BRWD1: variants seen among roughly 807,000 people sequenced by gnomAD.
BRWD1 encodes bromodomain and WD repeat-containing protein 1.
Under a neutral mutation model 251.2 loss-of-function variants are expected in BRWD1, and 82 were observed. The observed-to-expected ratio is 0.33, with a 90% CI of 0.27 to 0.39. The LOEUF is 0.39. Ranked by LOEUF, BRWD1 falls within the 10% of genes least tolerant of loss-of-function variation. The probability of loss-of-function intolerance (pLI) is 1.00; values close to 1 mark genes in which losing one functional copy is unlikely to be tolerated. For synonymous variants in BRWD1, 918 were observed against 902.8 expected, an observed-to-expected ratio of 1.02 and a Z score of -0.30; for missense variants, 2,233 against 2,711.6, an observed-to-expected ratio of 0.82 and a Z score of 3.92.
chr21:39,313,329 C>T lies in BRWD1; in HGVS notation c.50-30G>A, dbSNP rs768417935. ...GGGAAGACAAGGAGTCAGGTCAAGC[C>T]CCGGCGGGGAGGGGAGGGGGACGGG... On this transcript the variant is annotated intron_variant, in intron 1 of 40. Coordinates refer to ENST00000342449, the MANE Select transcript of BRWD1 (RefSeq NM_033656.4). 10 of 1,520,996 alleles carry T rather than the reference C, an allele frequency of 6.6e-6. No homozygotes were observed. In the South Asian group the frequency reaches 9.5e-5, roughly 14 times the overall value. 94.2% of individuals were successfully genotyped at this position (1,520,996 alleles called of 1,614,324 possible).
rs79649697 is a variant in BRWD1, at chr21:39,277,387, T to C, written c.1004-36A>G. 2,078 of 1,297,648 alleles carry C rather than the reference T, an allele frequency of 1.6e-3. 19 individuals are homozygous for C. The highest frequency in any genetic ancestry group is 0.015 in the East Asian group (631 of 40,766). 80.4% of individuals were successfully genotyped at this position (1,297,648 alleles called of 1,614,324 possible). On this transcript the variant is annotated intron_variant, in intron 10 of 40. Coordinates refer to ENST00000342449, the MANE Select transcript of BRWD1 (RefSeq NM_033656.4). The stretch of plus-strand genomic sequence containing the variant: ...AATGGTAAGGTTTAAACATCCAGTT[T>C]ATAACAAATACCTGAACAAATCAAA...
At chr21:39,184,290 A>C (rs1483451320), downstream of BRWD1, 3 of 152,252 alleles carry the variant, frequency 2.0e-5, no homozygotes, top group Non-Finnish European at 4.4e-5. Context: ...TAGTGTTTTA[A>C]AGTTGGCCAT....
chr21:39,317,042 T>G, upstream of BRWD1: 1 of 152,244 alleles, frequency 6.6e-6, no homozygotes, highest in East Asian at 1.9e-4. Context: ...AAATTTTGAA[T>G]AGGAACAAAG....
chr21:39,191,423 T>G lies in BRWD1; in HGVS notation c.*4836A>C. ...GTTTTGTTTTGTTTTTTAACTCTTT[T>G]GCTTGTTAAGATGAAAATGCTAAAT... On this transcript the variant is annotated 3_prime_UTR_variant, in exon 41 of 41. Coordinates refer to ENST00000342449, the MANE Select transcript of BRWD1 (RefSeq NM_033656.4). 1.0e-6 allele frequency: 1 copy of G among 985,188 alleles called. No homozygotes were observed. The highest frequency in any genetic ancestry group is 1.2e-6 in the Non-Finnish European group (1 of 829,734). 61.0% of individuals were successfully genotyped at this position (985,188 alleles called of 1,614,324 possible).
intron 20 of BRWD1, among the ~76,000 whole-genome samples, chr21:39,250,212 G>A (rs1568915646): frequency 6.6e-6 from 1 of 151,948 alleles, no homozygotes; most frequent in South Asian, 2.1e-4. Flanking sequence ...ATTCTTGTTC[G>A]GATAAGGCAA....
In BRWD1 at chr21:39,195,712, T is replaced by C. The variant is rs1341447076; in HGVS notation, c.*547A>G. ...TCAATGAAAGTGACCAGATCTGGTA[T>C]AATGCATTCTACTCAAGTAGCCAGG... On this transcript the variant is annotated 3_prime_UTR_variant, in exon 41 of 41. Transcript: ENST00000342449. 11 of 983,574 alleles carry C rather than the reference T, an allele frequency of 1.1e-5. No homozygotes were observed. Among genetic ancestry groups the C allele is most frequent in the Non-Finnish European group, 1.3e-5 (11 of 829,440 alleles). The allele number at this position is 983,574 out of a possible 1,614,324, so 60.9% of individuals were successfully genotyped here.
At chr21:39,246,796 C>T (rs375465003) in intron 21 of BRWD1, among the ~76,000 whole-genome samples, 20 of 152,056 alleles carry the variant, frequency 1.3e-4, no homozygotes, top group African/African-American at 4.6e-4. Context: ...TTTAAGAGCC[C>T]GTCCGGCTGG....
chr21:39,224,570 T>C, intron 28 of BRWD1, 101 bp from the exon 29 acceptor site: 1 of 712,402 alleles, frequency 1.4e-6, no homozygotes, highest in Admixed American at 2.5e-5. Flanking sequence ...TTAACCTCAC[T>C]GCAGCAGTAC....
intron 17 of BRWD1, among the ~76,000 whole-genome samples, chr21:39,259,036 G>C (rs923933468): frequency 1.3e-5 from 2 of 152,144 alleles, no homozygotes; most frequent in Admixed American, 1.3e-4. Flanking sequence ...AACTGGAACA[G>C]AGCAACTATG....
At chr21:39,279,521 C>A (rs1294569131) in intron 9 of BRWD1, among the ~76,000 whole-genome samples, 3 of 151,220 alleles carry the variant, frequency 2.0e-5, no homozygotes, top group Non-Finnish European at 4.4e-5. Flanking sequence ...CACCTGTAAT[C>A]CCAGCTACTC....
Position 39,190,336 on chromosome 21 carries a change from A to G in BRWD1, c.*5923T>C, listed in dbSNP as rs2031487634. The G allele has an allele frequency of 2.0e-6, 2 of 985,076 alleles. No individual in the cohort carries two copies. Among genetic ancestry groups the G allele is most frequent in the Non-Finnish European group, 2.4e-6 (2 of 829,590 alleles). The allele number at this position is 985,076 out of a possible 1,614,324, so 61.0% of individuals were successfully genotyped here. On this transcript the variant is annotated 3_prime_UTR_variant, in exon 41 of 41. Transcript: ENST00000342449. Reference sequence around the variant, plus strand: ...GTAAACTGCATATGGTTACTACAGAAGCATTATAAAATTTTCATTGGCATT... The same window carrying G: ...GTAAACTGCATATGGTTACTACAGAGGCATTATAAAATTTTCATTGGCATT...
chr21:39,313,138 G>C, intron 2 of BRWD1, 37 bp from the exon 3 acceptor site: 2 of 1,495,368 alleles, frequency 1.3e-6, no homozygotes, highest in Non-Finnish European at 1.8e-6. Context: ...GGTGGGGTCG[G>C]GCCCGGGGCG....
Position 39,264,558 on chromosome 21 carries a change from T to C in BRWD1, c.1787A>G (p.Asp596Gly). ...ATACTTGGTTGGATGAGGATTTCCA[T>C]CTACATCTACCAAGAATGGTGGAGG... ...LMPPPFLVDV[D>G]GNPHPTKYQR... The change falls in exon 17 of 41, where the codon GAT becomes GGT. Residue 596 changes from aspartate (D) to glycine (G), a missense_variant. Asp to Gly is a moderately conservative substitution (Grantham distance 94, BLOSUM62 -1). Around this residue, in one of 12 missense-constraint regions of BRWD1, gnomAD observed 315 missense variants for 421.8 expected, o/e 0.75. Coordinates refer to ENST00000342449, the MANE Select transcript of BRWD1 (RefSeq NM_033656.4). 6.2e-7 allele frequency: 1 copy of C among 1,613,422 alleles called. No individual in the cohort carries two copies. Among genetic ancestry groups the C allele is most frequent in the Non-Finnish European group, 8.5e-7 (1 of 1,179,694 alleles).
chr21:39,219,163 G>A (rs569356811), intron 29 of BRWD1, among the ~76,000 whole-genome samples: 2 of 152,212 alleles, frequency 1.3e-5, no homozygotes, highest in Non-Finnish European at 2.9e-5. Flanking sequence ...GCTGACGCCT[G>A]TAATCCTAGC....
intron 13 of BRWD1, among the ~76,000 whole-genome samples, chr21:39,271,077 G>T (rs1480602974): frequency 6.6e-6 from 1 of 151,962 alleles, no homozygotes; most frequent in East Asian, 1.9e-4. Flanking sequence ...GGCAGATCAC[G>T]AGGTCAGCGG....
At chr21:39,310,942 T>C (rs898220633) in intron 4 of BRWD1, among the ~76,000 whole-genome samples, 20 of 152,076 alleles carry the variant, frequency 1.3e-4, no homozygotes, top group African/African-American at 3.9e-4. Flanking sequence ...AATAATTCTC[T>C]ACACATGAGG....
chr21:39,315,659 T>C (rs568692538), upstream of BRWD1: 1 of 151,024 alleles, frequency 6.6e-6, no homozygotes, highest in Admixed American at 6.6e-5. Flanking sequence ...ATTTGTGAGG[T>C]AACAATCTAA....
At chr21:39,319,644 G>A (rs35784053) in intron 1 of BRWD1, among the ~76,000 whole-genome samples, 14,445 of 152,232 alleles carry the variant, frequency 0.095, 852 homozygotes, top group East Asian at 0.19. Context: ...ATTATTTAAG[G>A]ATCATGAGAC....
At chr21:39,268,701 T>C (rs985936529) in intron 15 of BRWD1, among the ~76,000 whole-genome samples, 25 of 151,936 alleles carry the variant, frequency 1.6e-4, no homozygotes, top group African/African-American at 5.8e-4. Context: ...TAAAGAAAAA[T>C]AGAGGCCAGG....
Sources: allele counts gnomAD v4.1 joint callset (sites outside exome capture counted in the v4.1 genomes callset), GRCh38; gene constraint gnomAD v4.1.1; regional missense constraint gnomAD v4.1.1; transcripts MANE v1.5; gene names NCBI Gene and HGNC (gene_info 2026-07-23, HGNC 2026-07-21).